Variants in CNTNAP2 observed in about 807,000 individuals in gnomAD.
The protein encoded by CNTNAP2 is contactin-associated protein-like 2.
Under a neutral mutation model 155.2 loss-of-function variants are expected in CNTNAP2, and 98 were observed. The observed-to-expected ratio is 0.63, with a 90% CI of 0.54 to 0.75. The LOEUF (loss-of-function observed/expected upper bound fraction) is 0.75, where lower values mean the gene tolerates loss of function less well. Ranked by LOEUF, CNTNAP2 falls within the 30% of genes least tolerant of loss-of-function variation. The pLI, the probability that CNTNAP2 is intolerant of heterozygous loss-of-function variation, is 0.00. For synonymous variants in CNTNAP2, 651 were observed against 631.2 expected, an observed-to-expected ratio of 1.03 and a Z score of -0.47; for missense variants, 1,727 against 1,688.1, an observed-to-expected ratio of 1.02 and a Z score of -0.40.
At chr7:147,262,965 A>T (rs185877116) in intron 8 of CNTNAP2, among the ~76,000 whole-genome samples, 1 of 152,318 alleles carries the variant, frequency 6.6e-6, no homozygotes, top group Admixed American at 6.5e-5. Context: ...TTTTGCTATG[A>T]CAGCCCCAGA....
intron 18 of CNTNAP2, among the ~76,000 whole-genome samples, chr7:148,180,852 G>T (rs2906284): frequency 0.67 from 101,931 of 152,034 alleles, 34,275 homozygotes; most frequent in East Asian, 0.85. Context: ...CTTTGAGGTG[G>T]GTCTGTGAGG....
intron 18 of CNTNAP2, among the ~76,000 whole-genome samples, chr7:148,181,211 A>G (rs1489401342): frequency 1.3e-5 from 2 of 152,186 alleles, no homozygotes; most frequent in African/African-American, 4.8e-5. Context: ...GGGACTTCTC[A>G]GCCTCCACAA....
chr7:148,081,010 G>A (rs780643887), intron 15 of CNTNAP2, among the ~76,000 whole-genome samples: 1 of 152,068 alleles, frequency 6.6e-6, no homozygotes, highest in Admixed American at 6.6e-5. Context: ...GCATACAGAT[G>A]GTATATCTTT....
At chr7:146,387,945 T>A (rs1795484388) in intron 1 of CNTNAP2, among the ~76,000 whole-genome samples, 1 of 152,070 alleles carries the variant, frequency 6.6e-6, no homozygotes, top group African/African-American at 2.4e-5. Flanking sequence ...CAGTTTTCTG[T>A]CATCTTATTT....
intron 2 of CNTNAP2, among the ~76,000 whole-genome samples, chr7:146,813,201 G>T (rs1366199338): frequency 6.6e-6 from 1 of 152,168 alleles, no homozygotes; most frequent in Non-Finnish European, 1.5e-5. Context: ...GAGGACCACT[G>T]TCCTCTAGAC....
chr7:147,334,159 A>T (rs1193765436), intron 9 of CNTNAP2, among the ~76,000 whole-genome samples: 1 of 152,108 alleles, frequency 6.6e-6, no homozygotes, highest in East Asian at 1.9e-4. Context: ...TCTTAATCCA[A>T]CACTTCTATT....
At chr7:147,447,627 C>T (rs2116562045) in intron 10 of CNTNAP2, among the ~76,000 whole-genome samples, 1 of 152,248 alleles carries the variant, frequency 6.6e-6, no homozygotes, top group East Asian at 1.9e-4. Context: ...AACATGTTGG[C>T]CAGGCTGGCC....
intron 9 of CNTNAP2, among the ~76,000 whole-genome samples, chr7:147,372,733 T>TA (rs796725915): frequency 9.9e-5 from 15 of 151,506 alleles, no homozygotes; most frequent in South Asian, 6.3e-4. Context: ...AATACTTTTT[T>TA]AAAAAAAAAT....
At chr7:147,800,890 C>T (rs1446160673) in intron 13 of CNTNAP2, among the ~76,000 whole-genome samples, 1 of 152,176 alleles carries the variant, frequency 6.6e-6, no homozygotes, top group Non-Finnish European at 1.5e-5. Flanking sequence ...GTATTCAGTA[C>T]AGTAACATAC....
intron 1 of CNTNAP2, among the ~76,000 whole-genome samples, chr7:146,587,056 A>T (rs1398465071): frequency 6.6e-6 from 1 of 150,942 alleles, no homozygotes; most frequent in African/African-American, 2.4e-5. Flanking sequence ...TAACAAACTC[A>T]TTGCTCTTCA....
intron 13 of CNTNAP2, among the ~76,000 whole-genome samples, chr7:147,730,626 GAC>G (rs1796722881): frequency 1.3e-5 from 2 of 151,912 alleles, no homozygotes; most frequent in Admixed American, 6.6e-5. Flanking sequence ...TATTCCCAAA[GAC>G]ACAATACTGA....
chr7:146,959,933 G>A (rs1797522099), intron 3 of CNTNAP2, among the ~76,000 whole-genome samples: 1 of 152,072 alleles, frequency 6.6e-6, no homozygotes, highest in African/African-American at 2.4e-5. Flanking sequence ...GGAGCATCTA[G>A]GCTGTCATAA....
intron 1 of CNTNAP2, among the ~76,000 whole-genome samples, chr7:146,537,891 A>G (rs1419147487): frequency 1.3e-5 from 2 of 152,078 alleles, no homozygotes; most frequent in African/African-American, 2.4e-5. Context: ...ATGAAACTAC[A>G]ATGGCTAGGT....
intron 1 of CNTNAP2, among the ~76,000 whole-genome samples, chr7:146,261,322 G>A (rs538838505): frequency 1.3e-5 from 2 of 151,890 alleles, no homozygotes; most frequent in African/African-American, 4.8e-5. Flanking sequence ...GAATCACAAT[G>A]TTATGTGAAA....
At chr7:148,328,117 G>T (rs116093624) in intron 21 of CNTNAP2, among the ~76,000 whole-genome samples, 2,173 of 152,294 alleles carry the variant, frequency 0.014, 57 homozygotes, top group African/African-American at 0.049. Context: ...ATGAGAACAC[G>T]CAGAGGCTAT....
chr7:146,406,186 C>T (rs1033762833), intron 1 of CNTNAP2, among the ~76,000 whole-genome samples: 12 of 152,174 alleles, frequency 7.9e-5, no homozygotes, highest in Admixed American at 7.9e-4. Context: ...TGTCTTTCAT[C>T]TCTATAGCCT....
intron 1 of CNTNAP2, among the ~76,000 whole-genome samples, chr7:146,241,995 A>G (rs1584821622): frequency 6.6e-6 from 1 of 152,212 alleles, no homozygotes; most frequent in Non-Finnish European, 1.5e-5. Context: ...TAAAAAGCAT[A>G]TGACTTGGGA....
chr7:146,717,751 T>C (rs1801216088), intron 1 of CNTNAP2, among the ~76,000 whole-genome samples: 1 of 151,796 alleles, frequency 6.6e-6, no homozygotes, highest in Non-Finnish European at 1.5e-5. Flanking sequence ...GAAACTTATA[T>C]TAATTGAGGT....
intron 10 of CNTNAP2, among the ~76,000 whole-genome samples, chr7:147,472,256 A>C (rs1798238314): frequency 8.4e-6 from 1 of 118,932 alleles, no homozygotes; most frequent in African/African-American, 3.3e-5. Context: ...TCAGTTGCCC[A>C]GGCTGGAGTG....
Sources: gnomAD v4.1 joint callset for allele counts (sites outside exome capture counted in the v4.1 genomes callset) on GRCh38, gnomAD v4.1.1 for gene constraint, MANE v1.5 for transcripts, NCBI Gene and HGNC (gene_info 2026-07-23, HGNC 2026-07-21) for gene names.